PCDH7: variants seen among roughly 807,000 people sequenced by gnomAD.
The protein encoded by PCDH7 is protocadherin 7, also known as protocadherin-7.
In PCDH7, 17 loss-of-function variants were observed where a neutral mutation model predicts 58.9. The observed-to-expected ratio is 0.29, with a 90% CI of 0.20 to 0.43. The LOEUF is 0.43. PCDH7 is among the 20% of genes least tolerant of loss of function. The pLI, the probability that PCDH7 is intolerant of heterozygous loss-of-function variation, is 1.00. For missense variants in PCDH7, 1,274 were observed against 1,441.0 expected (o/e 0.88, Z 1.88); for synonymous variants, 664 against 616.4 (o/e 1.08, Z -1.14).
chr4:30,855,394 T>C (rs533356662), intron 1 of PCDH7, among the ~76,000 whole-genome samples: 1 of 152,294 alleles, frequency 6.6e-6, no homozygotes, highest in Admixed American at 6.5e-5. Context: ...TCTGATGTGA[T>C]TGTGACATGT....
chr4:31,007,360 G>A (rs1391792519), intron 3 of PCDH7, among the ~76,000 whole-genome samples: 1 of 152,186 alleles, frequency 6.6e-6, no homozygotes, highest in Non-Finnish European at 1.5e-5. Context: ...GTGGCTGACT[G>A]TGACTTTGGA....
At chr4:30,794,517 A>T (rs1724539663) in intron 1 of PCDH7, among the ~76,000 whole-genome samples, 1 of 152,228 alleles carries the variant, frequency 6.6e-6, no homozygotes, top group South Asian at 2.1e-4. Context: ...TAGAATTGTT[A>T]CATAATTCAC....
intron 1 of PCDH7, among the ~76,000 whole-genome samples, chr4:30,895,063 G>T (rs549210096): frequency 6.6e-6 from 1 of 150,738 alleles, no homozygotes; most frequent in Non-Finnish European, 1.5e-5. Flanking sequence ...CTTTCTTTAC[G>T]AAATTTTAAA....
At chr4:31,134,405 A>G (rs1719348242) in intron 3 of PCDH7, among the ~76,000 whole-genome samples, 1 of 152,166 alleles carries the variant, frequency 6.6e-6, no homozygotes, top group Admixed American at 6.5e-5. Flanking sequence ...GGTTGCAGTG[A>G]GCCAAGATTG....
At chr4:31,052,213 T>C (rs185322077) in intron 3 of PCDH7, among the ~76,000 whole-genome samples, 1 of 152,252 alleles carries the variant, frequency 6.6e-6, no homozygotes, top group African/African-American at 2.4e-5. Context: ...CGACTTTAGT[T>C]TAAACAAAAG....
intron 1 of PCDH7, among the ~76,000 whole-genome samples, chr4:30,892,352 AGACCAC>A (rs1170109790): frequency 6.6e-6 from 1 of 152,110 alleles, no homozygotes; most frequent in Admixed American, 6.6e-5. Flanking sequence ...TTAGTAAAGT[AGACCAC>A]GTGGAGAGAT....
At chr4:30,867,296 C>T (rs987029652) in intron 1 of PCDH7, among the ~76,000 whole-genome samples, 1 of 151,890 alleles carries the variant, frequency 6.6e-6, no homozygotes, top group African/African-American at 2.4e-5. Flanking sequence ...GGTGAGGGTC[C>T]GTCTTAGTAT....
chr4:30,766,552 A>T (rs1220745031), intron 1 of PCDH7, among the ~76,000 whole-genome samples: 1 of 152,126 alleles, frequency 6.6e-6, no homozygotes, highest in Non-Finnish European at 1.5e-5. Flanking sequence ...GGAAACACAG[A>T]TTTTTAAATC....
intron 3 of PCDH7, among the ~76,000 whole-genome samples, chr4:31,011,429 G>A (rs976883365): frequency 1.3e-5 from 2 of 151,922 alleles, no homozygotes; most frequent in African/African-American, 4.8e-5. Context: ...GTCTAGTGAA[G>A]TATCTTGAAT....
intron 1 of PCDH7, among the ~76,000 whole-genome samples, chr4:30,820,407 T>G (rs1011775133): frequency 6.6e-6 from 1 of 152,192 alleles, no homozygotes; most frequent in Non-Finnish European, 1.5e-5. Flanking sequence ...TTCTTCATAC[T>G]TAAGTTTGAC....
At chr4:30,811,843 T>C (rs965571939) in intron 1 of PCDH7, among the ~76,000 whole-genome samples, 1 of 152,064 alleles carries the variant, frequency 6.6e-6, no homozygotes, top group Non-Finnish European at 1.5e-5. Flanking sequence ...AAGGAGAAGA[T>C]TCAGATCACT....
chr4:31,103,962 G>A (rs1227568188), intron 3 of PCDH7, among the ~76,000 whole-genome samples: 1 of 152,052 alleles, frequency 6.6e-6, no homozygotes, highest in Non-Finnish European at 1.5e-5. Flanking sequence ...ACGGTTTCAT[G>A]CCTCCATGCA....
intron 1 of PCDH7, among the ~76,000 whole-genome samples, chr4:30,754,161 G>GGTGTGTGT (rs137965585): frequency 0.017 from 2,380 of 138,628 alleles, 78 homozygotes; most frequent in African/African-American, 0.069. Flanking sequence ...GCAAACACTA[G>GGTGTGTGT]GTGTGTGTGT....
chr4:30,956,163 G>A (rs1281753317), intron 3 of PCDH7, among the ~76,000 whole-genome samples: 3 of 151,418 alleles, frequency 2.0e-5, no homozygotes, highest in South Asian at 2.1e-4. Flanking sequence ...GCAGTGAGCC[G>A]AGATCATGCC....
In PCDH7 at chr4:30,721,488, G is replaced by T. The variant is rs1402595049; in HGVS notation, c.66G>T (p.Pro22=). 3 of 1,593,016 alleles carry T rather than the reference G, an allele frequency of 1.9e-6. No homozygotes were observed. Among genetic ancestry groups the T allele is most frequent in the Admixed American group, 3.4e-5 (2 of 58,994 alleles). The change falls in exon 1 of 2, where the codon CCG becomes CCT. Residue 22 remains proline, a synonymous_variant. Coordinates refer to ENST00000361762, the Ensembl canonical transcript of PCDH7. The surrounding 1 kb of genome is among the most constrained non-coding windows in gnomAD (Gnocchi z 6.7). ...GCTTGGGCTGCTGCCTCCTCCTGCCGCTCTCGCTCAGCCTGGCGGCCGCCA... is the reference window on the plus strand; with the variant it reads ...GCTTGGGCTGCTGCCTCCTCCTGCCTCTCTCGCTCAGCCTGGCGGCCGCCA...
intron 3 of PCDH7, among the ~76,000 whole-genome samples, chr4:31,019,180 A>AG (rs1258458044): frequency 3.3e-5 from 5 of 152,200 alleles, no homozygotes; most frequent in Admixed American, 3.3e-4. Flanking sequence ...AGAAAAAAAA[A>AG]GATAAATGTC....
chr4:30,953,425 T>A (rs951823981), intron 3 of PCDH7, among the ~76,000 whole-genome samples: 1 of 152,156 alleles, frequency 6.6e-6, no homozygotes, highest in African/African-American at 2.4e-5. Flanking sequence ...CAAATCTTTT[T>A]AGTATTCTGG....
At chr4:30,876,433 A>T (rs1736294012) in intron 1 of PCDH7, among the ~76,000 whole-genome samples, 1 of 152,114 alleles carries the variant, frequency 6.6e-6, no homozygotes, top group South Asian at 2.1e-4. Context: ...TTTTTAAATA[A>T]ATTGATATTG....
chr4:30,907,358 C>T (rs764764077), intron 1 of PCDH7, among the ~76,000 whole-genome samples: 7 of 152,020 alleles, frequency 4.6e-5, no homozygotes, highest in African/African-American at 1.7e-4. Flanking sequence ...ATCTACCCAT[C>T]GACAAAGGGC....
Sources: gnomAD v4.1 joint callset for allele counts (sites outside exome capture counted in the v4.1 genomes callset) on GRCh38, gnomAD v4.1.1 for gene constraint, Gnocchi (gnomAD v3.1) non-coding constraint, MANE v1.5 for transcripts, NCBI Gene and HGNC (gene_info 2026-07-23, HGNC 2026-07-21) for gene names.